VEPH1: variants seen among roughly 807,000 people sequenced by gnomAD.
VEPH1 encodes the protein ventricular zone-expressed PH domain-containing protein homolog 1.
Under a neutral mutation model 85.2 loss-of-function variants are expected in VEPH1, and 80 were observed. The observed-to-expected ratio is 0.94, with a 90% CI of 0.78 to 1.13. The LOEUF (loss-of-function observed/expected upper bound fraction) is 1.13, where lower values mean the gene tolerates loss of function less well. VEPH1 is among the 50% of genes most tolerant of loss of function. The pLI, the probability that VEPH1 is intolerant of heterozygous loss-of-function variation, is 0.00. For synonymous variants in VEPH1, 297 were observed against 348.0 expected, an observed-to-expected ratio of 0.85 and a Z score of 1.63; for missense variants, 955 against 980.5, an observed-to-expected ratio of 0.97 and a Z score of 0.35.
chr3:157,417,692 C>T (rs770798613), intron 5 of VEPH1, among the ~76,000 whole-genome samples: 52 of 152,192 alleles, frequency 3.4e-4, no homozygotes, highest in Non-Finnish European at 5.9e-4. Flanking sequence ...CTTTCAAATT[C>T]GATCTCAAAT....
intron 4 of VEPH1, among the ~76,000 whole-genome samples, chr3:157,431,101 T>C (rs1289894102): frequency 6.6e-6 from 1 of 152,156 alleles, no homozygotes; most frequent in Non-Finnish European, 1.5e-5. Context: ...GTTTTATCCA[T>C]GCTGTTTTCA....
At chr3:157,262,654 T>C (rs1713066913) in intron 13 of VEPH1, among the ~76,000 whole-genome samples, 4 of 152,180 alleles carry the variant, frequency 2.6e-5, no homozygotes, top group Admixed American at 2.6e-4. Context: ...ATGGTTACAT[T>C]TAATGGAGAG....
intron 5 of VEPH1, among the ~76,000 whole-genome samples, chr3:157,424,836 C>T (rs1270736809): frequency 6.6e-6 from 1 of 152,162 alleles, no homozygotes; most frequent in Non-Finnish European, 1.5e-5. Context: ...GGAAAATTTG[C>T]AGCCAACAAT....
At chr3:157,388,428 C>T (rs954473068) in intron 6 of VEPH1, among the ~76,000 whole-genome samples, 2 of 152,266 alleles carry the variant, frequency 1.3e-5, no homozygotes, top group African/African-American at 2.4e-5. Context: ...TTCTTTGCCC[C>T]AAGATTTTCC....
intron 9 of VEPH1, among the ~76,000 whole-genome samples, chr3:157,348,215 G>A (rs1724460431): frequency 6.6e-6 from 1 of 152,178 alleles, no homozygotes; most frequent in South Asian, 2.1e-4. Flanking sequence ...GGAGGGGCAT[G>A]GGGGTGCAGA....
At chr3:157,425,366 C>T (rs1382511552) in intron 5 of VEPH1, among the ~76,000 whole-genome samples, 1 of 152,186 alleles carries the variant, frequency 6.6e-6, no homozygotes, top group Non-Finnish European at 1.5e-5. Context: ...AGAGCCTCCA[C>T]ACAGAGTCCC....
At chr3:157,275,957 A>G (rs1415016431) in intron 12 of VEPH1, among the ~76,000 whole-genome samples, 2 of 152,216 alleles carry the variant, frequency 1.3e-5, no homozygotes, top group Non-Finnish European at 2.9e-5. Context: ...CGTAGGAGCC[A>G]CATTTACTAG....
chr3:157,271,273 C>A (rs907924435), intron 12 of VEPH1, among the ~76,000 whole-genome samples: 1 of 152,094 alleles, frequency 6.6e-6, no homozygotes, highest in Non-Finnish European at 1.5e-5. Flanking sequence ...CTAGAGCCTG[C>A]GAGGGTCCAG....
chr3:157,459,820 T>C, intron 4 of VEPH1: 1 of 1,498,304 alleles, frequency 6.7e-7, no homozygotes, highest in Non-Finnish European at 8.9e-7. Flanking sequence ...GAAGACAGGT[T>C]TTTCATACCC....
In VEPH1 at chr3:157,466,611, G is replaced by A. The variant is rs79528106; in HGVS notation, c.354+3703C>T. 7.5e-3 allele frequency among the ~76,000 whole-genome samples: 1,147 copies of A among 152,276 alleles called. 22 individuals are homozygous for A. Among genetic ancestry groups the A allele is most frequent in the East Asian group, 0.067 (350 of 5,186 alleles). Reference sequence around the variant, plus strand: ...GTGTTGTTATCCCAATTTTAGAGATGGCAGAACAGAGATTTAGAGAGAGAA... The same window carrying A: ...GTGTTGTTATCCCAATTTTAGAGATAGCAGAACAGAGATTTAGAGAGAGAA... On this transcript the variant is annotated intron_variant, in intron 3 of 13. Transcript: ENST00000362010.
At chr3:157,458,109 G>T (rs1426110486) in intron 4 of VEPH1, among the ~76,000 whole-genome samples, 1 of 152,146 alleles carries the variant, frequency 6.6e-6, no homozygotes, top group Non-Finnish European at 1.5e-5. Context: ...ATGTGCCCAG[G>T]AATTTATTAG....
intron 9 of VEPH1, among the ~76,000 whole-genome samples, chr3:157,341,424 A>G (rs1450693554): frequency 6.6e-5 from 10 of 152,252 alleles, no homozygotes; most frequent in Admixed American, 3.9e-4. Context: ...AAAGGGTATC[A>G]GTGATTGAAG....
intron 11 of VEPH1, among the ~76,000 whole-genome samples, chr3:157,297,953 GGAT>G (rs1718340426): frequency 6.6e-6 from 1 of 152,080 alleles, no homozygotes; most frequent in Admixed American, 6.5e-5. Flanking sequence ...CACACACACA[GGAT>G]GATAATGAGG....
chr3:157,392,709 T>C (rs958190518), intron 6 of VEPH1, among the ~76,000 whole-genome samples: 1 of 152,226 alleles, frequency 6.6e-6, no homozygotes, highest in Non-Finnish European at 1.5e-5. Context: ...GGGCCTCATG[T>C]GGCCTACAGG....
At chr3:157,334,481 G>GT in intron 9 of VEPH1, among the ~76,000 whole-genome samples, 2 of 152,280 alleles carry the variant, frequency 1.3e-5, no homozygotes, top group Middle Eastern at 6.8e-3. Flanking sequence ...TGCAGCTGCT[G>GT]TAACAACATG....
chr3:157,398,897 T>G (rs967505710), intron 6 of VEPH1, among the ~76,000 whole-genome samples: 1 of 151,952 alleles, frequency 6.6e-6, no homozygotes, highest in African/African-American at 2.4e-5. Flanking sequence ...TTCAGGTCAC[T>G]CAACAAATGG....
chr3:157,308,783 T>C (rs1181301524), intron 11 of VEPH1, among the ~76,000 whole-genome samples: 1 of 152,124 alleles, frequency 6.6e-6, no homozygotes, highest in East Asian at 1.9e-4. Context: ...TCAAGTGTAT[T>C]TCTCTCCATT....
At chr3:157,265,426 G>A (rs1713493663) in intron 13 of VEPH1, 100 bp downstream of exon 13, 4 of 1,336,978 alleles carry the variant, frequency 3.0e-6, no homozygotes, top group East Asian at 2.4e-5. Context: ...AAATGGAGAT[G>A]GAAAAATTAT....
intron 9 of VEPH1, among the ~76,000 whole-genome samples, chr3:157,337,971 C>T (rs533620820): frequency 2.0e-5 from 3 of 151,888 alleles, no homozygotes; most frequent in Admixed American, 6.6e-5. Flanking sequence ...ATAGCACCTC[C>T]CCAGAATAGT....
Sources: gnomAD v4.1 joint callset for allele counts (sites outside exome capture counted in the v4.1 genomes callset) on GRCh38, gnomAD v4.1.1 for gene constraint, MANE v1.5 for transcripts, NCBI Gene and HGNC (gene_info 2026-07-23, HGNC 2026-07-21) for gene names.